The following BAHCC1 variants were observed in gnomAD, a reference collection of about 807,000 sequenced individuals.
BAHCC1 encodes the protein BAH domain and coiled-coil containing 1.
A neutral mutation model predicts 88.2 loss-of-function variants in BAHCC1; 43 were observed. That is an observed-to-expected ratio of 0.49 (90% CI 0.38 to 0.63). The LOEUF (loss-of-function observed/expected upper bound fraction) is 0.63, where lower values mean the gene tolerates loss of function less well. Among genes scored for constraint, BAHCC1 ranks in the 20% least tolerant of loss-of-function variants. The pLI is 0.00. For synonymous variants in BAHCC1, 1,510 were observed against 745.5 expected (o/e 2.03, Z -16.71); for missense variants, 3,023 against 1,654.8 (o/e 1.83, Z -14.34).
chr17:81,431,090 C>T (rs2064255939), intron 3 of BAHCC1, among the ~76,000 whole-genome samples: 1 of 134,848 alleles, frequency 7.4e-6, no homozygotes, highest in South Asian at 2.5e-4. Flanking sequence ...GGGATCCCAG[C>T]GTGGGGGTGG....
intron 2 of BAHCC1, among the ~76,000 whole-genome samples, chr17:81,409,359 C>T (rs1555647385): frequency 6.6e-6 from 1 of 152,196 alleles, no homozygotes; most frequent in African/African-American, 2.4e-5. Context: ...GGTGGGGCTC[C>T]TGTCCCCCGA....
At chr17:81,408,957 G>T (rs1477517639) in intron 2 of BAHCC1, among the ~76,000 whole-genome samples, 1 of 152,242 alleles carries the variant, frequency 6.6e-6, no homozygotes, top group Non-Finnish European at 1.5e-5. Flanking sequence ...ACGCTCAGGT[G>T]ACGCGCACAG....
chr17:81,432,494 C>G (rs1006357050), intron 3 of BAHCC1, among the ~76,000 whole-genome samples: 3 of 139,602 alleles, frequency 2.1e-5, no homozygotes, highest in Non-Finnish European at 4.7e-5. Context: ...GTCCATTGCC[C>G]CCTGTGGCTT....
Position 81,461,565 on chromosome 17 carries a change from G to T in BAHCC1, c.6902G>T (p.Gly2301Val), listed in dbSNP as rs1253640014. ...TCGGACGAGGACGAGGACGGGCCGG[G>T]GCTGGCGGCCGGCGTGCCCTCCCGC... ...SFSDEDEDGPGLAAGVPSRFL... is the reference protein window; with the variant it reads ...SFSDEDEDGPVLAAGVPSRFL... Residue 2301 changes from glycine to valine, a missense_variant, in exon 26 of 28, where the codon GGG (glycine) becomes GTG (valine). Coordinates refer to ENST00000675386, the MANE Select transcript of BAHCC1 (RefSeq NM_001377448.1). The T allele has an allele frequency of 2.8e-6, 2 of 721,640 alleles. No homozygotes were observed. 44.7% of individuals were successfully genotyped at this position (721,640 alleles called of 1,614,324 possible).
intron 2 of BAHCC1, among the ~76,000 whole-genome samples, chr17:81,413,350 C>T (rs1555648135): frequency 6.6e-6 from 1 of 152,240 alleles, no homozygotes; most frequent in Non-Finnish European, 1.5e-5. Context: ...AAGCCTCGCT[C>T]CTTCTCAGCC....
At chr17:81,459,638 C>G (rs782000524) in intron 23 of BAHCC1, 34 bp downstream of exon 23, 4 of 778,554 alleles carry the variant, frequency 5.1e-6, no homozygotes, top group Admixed American at 3.4e-5. Context: ...CTGGGGCAGG[C>G]CCCTCTGAGA....
chr17:81,444,595 C>T (rs781831454), intron 7 of BAHCC1, 27 bp downstream of exon 7: 9 of 743,672 alleles, frequency 1.2e-5, no homozygotes, highest in Admixed American at 7.0e-5. Context: ...CGGGGGCTGG[C>T]CTGGGGCTGA....
In BAHCC1 at chr17:81,399,128, A is replaced by T. The variant is rs868922602; in HGVS notation, c.-206-406A>T. 1.3e-4 allele frequency: 31 copies of T among 231,852 alleles called. No individual in the cohort carries two copies. Among genetic ancestry groups the T allele is most frequent in the East Asian group, 3.9e-4 (2 of 5,184 alleles). The allele number at this position is 231,852 out of a possible 1,614,324, so 14.4% of individuals were successfully genotyped here. A position where few individuals can be genotyped will look rare whatever the true frequency, so the allele number is the denominator to read the frequency against. On this transcript the variant is annotated intron_variant, in intron 1 of 27. Transcript: ENST00000675386. This position sits in a 1 kb window ranked among gnomAD's most constrained non-coding sequence, Gnocchi z 4.5. ...GGGGAGGGGAGAGGGTGTGCGTGTG[A>T]GTGTGTGTGTGTGTGTGTGTGTGTG...
intron 2 of BAHCC1, among the ~76,000 whole-genome samples, chr17:81,406,005 C>G (rs1462850795): frequency 6.6e-6 from 1 of 152,258 alleles, no homozygotes; most frequent in African/African-American, 2.4e-5. Flanking sequence ...CAGGGCCAGC[C>G]TCTGCCTAGG....
chr17:81,449,244 C>T (rs1473305941), intron 11 of BAHCC1, among the ~76,000 whole-genome samples: 1 of 152,176 alleles, frequency 6.6e-6, no homozygotes, highest in Non-Finnish European at 1.5e-5. Context: ...AGGGCCAGCT[C>T]TGCCCTCCGG....
Position 81,444,711 on chromosome 17 carries a change from C to A in BAHCC1, c.2556C>A (p.Phe852Leu), listed in dbSNP as rs1555653831. The A allele has an allele frequency of 1.3e-6, 1 of 777,588 alleles. No individual in the cohort carries two copies. Among genetic ancestry groups the A allele is most frequent in the Non-Finnish European group, 2.4e-6 (1 of 417,670 alleles). 48.2% of individuals were successfully genotyped at this position (777,588 alleles called of 1,614,324 possible). A position where few individuals can be genotyped will look rare whatever the true frequency, so the allele number is the denominator to read the frequency against. Reference sequence around the variant, plus strand: ...TGCACCAGAACCTGCCCCCCGGCTTCCCCGCCTCCGTGGCTGGCCCTGTGC... The same window carrying A: ...TGCACCAGAACCTGCCCCCCGGCTTACCCGCCTCCGTGGCTGGCCCTGTGC... ...PALHQNLPPG[F>L]PASVAGPVPS... Residue 852 changes from phenylalanine (F) to leucine (L), a missense_variant, in exon 8 of 28, where the codon TTC (phenylalanine) becomes TTA (leucine). Coordinates refer to ENST00000675386, the MANE Select transcript of BAHCC1 (RefSeq NM_001377448.1).
At chr17:81,418,798 T>TGTGTGTGTGTGCGCGC (rs1555649114) in intron 2 of BAHCC1, among the ~76,000 whole-genome samples, 3,193 of 66,138 alleles carry the variant, frequency 0.048, 97 homozygotes, top group African/African-American at 0.18. Flanking sequence ...CGTGTGTGCG[T>TGTGTGTGTGTGCGCGC]GTGTGTGTGT....
At chr17:81,459,004 G>A (rs1424962141) in intron 20 of BAHCC1, 35 bp downstream of exon 20, 1 of 723,006 alleles carries the variant, frequency 1.4e-6, no homozygotes, top group Non-Finnish European at 2.6e-6. Flanking sequence ...AGCCGCCTGG[G>A]GAGGGGTGGT....
intron 11 of BAHCC1, among the ~76,000 whole-genome samples, chr17:81,450,606 C>T (rs1212697315): frequency 2.0e-5 from 3 of 152,234 alleles, no homozygotes; most frequent in Admixed American, 2.0e-4. Context: ...AGGGCTGGAG[C>T]GTGCTGGAAA....
At chr17:81,457,720 G>C (rs1268768316) in intron 17 of BAHCC1, 128 bp downstream of exon 17, 1 of 595,160 alleles carries the variant, frequency 1.7e-6, no homozygotes, top group African/African-American at 2.0e-5. Context: ...TGGGTAACCA[G>C]GAGGGAGGGC....
intron 4 of BAHCC1, among the ~76,000 whole-genome samples, chr17:81,439,609 C>G (rs1039141193): frequency 2.0e-5 from 3 of 149,402 alleles, no homozygotes; most frequent in Admixed American, 2.0e-4. Flanking sequence ...GACGCCCAGG[C>G]TGTGGGGGAT....
chr17:81,430,337 C>T (rs1271608175), intron 3 of BAHCC1, among the ~76,000 whole-genome samples: 1 of 152,190 alleles, frequency 6.6e-6, no homozygotes, highest in Non-Finnish European at 1.5e-5. Flanking sequence ...CCACTGAGGC[C>T]ACTCGTGGTC....
rs781988272 is a variant in BAHCC1 at position 81,445,660 on chromosome 17, G to A, written c.3142G>A (p.Asp1048Asn). 5.9e-5 allele frequency: 43 copies of A among 731,472 alleles called. No homozygotes were observed. Among genetic ancestry groups the A allele is most frequent in the Middle Eastern group, 4.6e-4 (2 of 4,386 alleles). The allele number at this position is 731,472 out of a possible 1,614,324, so 45.3% of individuals were successfully genotyped here. A position where few individuals can be genotyped will look rare whatever the true frequency, so the allele number is the denominator to read the frequency against. The stretch of plus-strand genomic sequence containing the variant: ...TGGGGAGGGTCAGCAGTCCACGGCC[G>A]ACATCATCACATCCGAACCAGGTGA... ...KNGEGQQSTA[D>N]IITSEPDLPP... Residue 1048 changes from aspartate to asparagine, a missense_variant, in exon 10 of 28, where the codon GAC (aspartate) becomes AAC (asparagine). Transcript: ENST00000675386.
rs565436246 is a variant in BAHCC1, at chr17:81,434,525, G to A, written c.359-3845G>A. On this transcript the variant is annotated intron_variant, in intron 3 of 27. Coordinates refer to ENST00000675386, the MANE Select transcript of BAHCC1 (RefSeq NM_001377448.1). The surrounding 1 kb of genome is among the most constrained non-coding windows in gnomAD (Gnocchi z 4.9). ...GCACCCCCAGAAGTTTGCTGAGCCT[G>A]CAGCATCCTGGCCCTGAGCTCTGTG... 1.3e-5 allele frequency among the ~76,000 whole-genome samples: 2 copies of A among 152,294 alleles called. No individual in the cohort carries two copies. The highest frequency in any genetic ancestry group is 3.9e-4 in the East Asian group (2 of 5,184).
Sources: gnomAD v4.1 joint callset for allele counts (sites outside exome capture counted in the v4.1 genomes callset) on GRCh38, gnomAD v4.1.1 for gene constraint, Gnocchi (gnomAD v3.1) non-coding constraint, MANE v1.5 for transcripts, NCBI Gene and HGNC (gene_info 2026-07-23, HGNC 2026-07-21) for gene names.